CFAP43: variants seen among roughly 807,000 people sequenced by gnomAD.
CFAP43 encodes the protein cilia and flagella associated protein 43, also known as cilia- and flagella-associated protein 43.
A neutral mutation model predicts 218.9 loss-of-function variants in CFAP43; 155 were observed. The ratio of observed to expected loss-of-function variants is 0.71; its 90% CI spans 0.62 to 0.81. The LOEUF (loss-of-function observed/expected upper bound fraction) is 0.81, where lower values mean the gene tolerates loss of function less well. CFAP43 is among the 30% of genes least tolerant of loss of function. The pLI, the probability that CFAP43 is intolerant of heterozygous loss-of-function variation, is 0.00. For missense variants in CFAP43, 1,778 were observed against 1,954.3 expected, an observed-to-expected ratio of 0.91 and a Z score of 1.70; for synonymous variants, 645 against 681.3, an observed-to-expected ratio of 0.95 and a Z score of 0.83.
chr10:104,230,229 G>A (rs1028321638), intron 2 of CFAP43, among the ~76,000 whole-genome samples: 1 of 152,136 alleles, frequency 6.6e-6, no homozygotes, highest in African/African-American at 2.4e-5. Context: ...CACTTTGGGA[G>A]GGTGAGGCAG....
intron 19 of CFAP43, among the ~76,000 whole-genome samples, chr10:104,176,570 T>C (rs905832917): frequency 4.6e-5 from 7 of 152,224 alleles, no homozygotes; most frequent in African/African-American, 1.7e-4. Context: ...AAAATATTTG[T>C]AGGTTGAGCC....
intron 34 of CFAP43, among the ~76,000 whole-genome samples, chr10:104,136,258 CA>C (rs368792618): frequency 7.0e-5 from 6 of 86,002 alleles, no homozygotes; most frequent in East Asian, 3.6e-4. Context: ...TTCTCCATTT[CA>C]AAAAAAAAAA....
chr10:104,137,890 A>T (rs1357082620), intron 34 of CFAP43, among the ~76,000 whole-genome samples: 3 of 152,196 alleles, frequency 2.0e-5, no homozygotes, highest in African/African-American at 7.2e-5. Flanking sequence ...ATTGCCACTG[A>T]CTTGCACACT....
intron 34 of CFAP43, among the ~76,000 whole-genome samples, chr10:104,136,127 G>A (rs1387769047): frequency 2.0e-5 from 3 of 151,430 alleles, no homozygotes; most frequent in Non-Finnish European, 2.9e-5. Flanking sequence ...GTGGGCGCCT[G>A]TAAATCCCAG....
rs1270053317 is a variant in CFAP43, at chr10:104,192,201, G to A, written c.1544C>T (p.Thr515Ile). Residue 515 changes from threonine to isoleucine, a missense_variant and splice_region_variant, in exon 12 of 38, where the codon ACA becomes ATA. Around this residue, in one of 3 missense-constraint regions of CFAP43, gnomAD observed 1,553 missense variants for 1,685.2 expected, o/e 0.92. Transcript: ENST00000357060. ...SSSSFQIIGF[T>I]EVAKDILQIS... ...TTAATCAGCATTCTATGTTGTACCT[G>A]TGAATCCAATAATCTGAAATGAGCT... The A allele has an allele frequency of 6.2e-6, 10 of 1,604,662 alleles. No individual in the cohort carries two copies. Among genetic ancestry groups the A allele is most frequent in the Non-Finnish European group, 7.7e-6 (9 of 1,173,270 alleles).
chr10:104,143,366 G>A, intron 32 of CFAP43, 60 bp downstream of exon 32: 1 of 1,449,776 alleles, frequency 6.9e-7, no homozygotes. Flanking sequence ...ACTGACCAAT[G>A]TAAACTATGT....
chr10:104,145,842 C>A (rs530140586), intron 30 of CFAP43, among the ~76,000 whole-genome samples: 1 of 152,158 alleles, frequency 6.6e-6, no homozygotes, highest in African/African-American at 2.4e-5. Flanking sequence ...AATATATTTA[C>A]CCAAAAAACA....
chr10:104,192,379 A>G (rs575752663), intron 11 of CFAP43, 77 bp from the exon 12 acceptor site: 17 of 1,004,748 alleles, frequency 1.7e-5, no homozygotes, highest in Non-Finnish European at 2.4e-5. Context: ...TTGAATGGCC[A>G]CAGAGATATG....
intron 28 of CFAP43, among the ~76,000 whole-genome samples, chr10:104,150,835 A>G (rs1298084138): frequency 6.6e-6 from 1 of 152,130 alleles, no homozygotes; most frequent in Admixed American, 6.6e-5. Flanking sequence ...TTTTGTCACC[A>G]GGTACTAAGC....
At chr10:104,226,738 G>C (rs562028753) in intron 2 of CFAP43, among the ~76,000 whole-genome samples, 2 of 152,014 alleles carry the variant, frequency 1.3e-5, no homozygotes, top group Non-Finnish European at 2.9e-5. Flanking sequence ...TTATATATGA[G>C]GCCGGGCGAG....
At chr10:104,190,471 C>T (rs1409679615) in intron 12 of CFAP43, among the ~76,000 whole-genome samples, 1 of 152,236 alleles carries the variant, frequency 6.6e-6, no homozygotes, top group Admixed American at 6.5e-5. Flanking sequence ...TCCAGGTTTA[C>T]TTCCACTCTG....
chr10:104,161,883 T>C (rs1589672618), intron 26 of CFAP43, 78 bp downstream of exon 26: 2 of 1,379,392 alleles, frequency 1.4e-6, no homozygotes, highest in East Asian at 4.6e-5. Flanking sequence ...CCCAGGTTTA[T>C]ATAGGACAAA....
intron 13 of CFAP43, 149 bp downstream of exon 13, chr10:104,188,121 T>C (rs1240276742): frequency 3.1e-6 from 3 of 959,820 alleles, no homozygotes; most frequent in East Asian, 2.6e-5. Context: ...TCAAACTGTT[T>C]AGCATGTTGG....
At chr10:104,147,675 T>C (rs1254249813) in intron 29 of CFAP43, among the ~76,000 whole-genome samples, 3 of 152,220 alleles carry the variant, frequency 2.0e-5, no homozygotes, top group Non-Finnish European at 4.4e-5. Flanking sequence ...GCTAAATGAT[T>C]GCAGATGCAG....
intron 24 of CFAP43, 66 bp from the exon 25 acceptor site, chr10:104,162,469 A>G: frequency 1.1e-5 from 15 of 1,356,316 alleles, no homozygotes; most frequent in Non-Finnish European, 1.5e-5. Context: ...TTCCTTCCAC[A>G]TACTGGGAGG....
At chr10:104,207,353 A>G (rs1376690505) in intron 6 of CFAP43, among the ~76,000 whole-genome samples, 1 of 152,180 alleles carries the variant, frequency 6.6e-6, no homozygotes, top group African/African-American at 2.4e-5. Flanking sequence ...CACAGTAGCC[A>G]AGAACTTGGA....
intron 17 of CFAP43, among the ~76,000 whole-genome samples, chr10:104,180,200 C>T (rs1479092786): frequency 6.6e-6 from 1 of 152,260 alleles, no homozygotes; most frequent in African/African-American, 2.4e-5. Flanking sequence ...TTCTTTGTTA[C>T]TGTGACCCAA....
rs371654366 is a variant in CFAP43 at position 104,167,615 on chromosome 10, T to C, written c.2808+6A>G. On this transcript the variant is annotated splice_donor_region_variant and intron_variant, in intron 22 of 37. Transcript: ENST00000357060. ...TATATAAACACATGTATATTTAAAA[T>C]AGTACTTTAAGACACTCTGCTTCAA... 6 of 1,589,794 alleles carry C rather than the reference T, an allele frequency of 3.8e-6. No individual in the cohort carries two copies. The African/African-American group carries it at 5.4e-5, about 14-fold the overall frequency.
At chr10:104,141,328 C>A (rs1376183580) in intron 33 of CFAP43, among the ~76,000 whole-genome samples, 2 of 152,086 alleles carry the variant, frequency 1.3e-5, no homozygotes, top group Non-Finnish European at 2.9e-5. Context: ...AATAACAAAT[C>A]TGGCCAGGCG....
Sources: allele counts gnomAD v4.1 joint callset (sites outside exome capture counted in the v4.1 genomes callset), GRCh38; gene constraint gnomAD v4.1.1; regional missense constraint gnomAD v4.1.1; transcripts MANE v1.5; gene names NCBI Gene and HGNC (gene_info 2026-07-23, HGNC 2026-07-21).